The following ANKS1B variants were observed in gnomAD, a reference collection of about 807,000 sequenced individuals.
ANKS1B encodes the protein ankyrin repeat and sterile alpha motif domain containing 1B.
Under a neutral mutation model 148.3 loss-of-function variants are expected in ANKS1B, and 36 were observed. The observed-to-expected ratio is 0.24, with a 90% CI of 0.19 to 0.32. ANKS1B has a LOEUF of 0.32. Among genes scored for constraint, ANKS1B ranks in the 10% least tolerant of loss-of-function variants. ANKS1B has a pLI of 1.00. For synonymous variants in ANKS1B, 542 were observed against 560.8 expected (o/e 0.97, Z 0.47); for missense variants, 1,157 against 1,542.6 (o/e 0.75, Z 4.19).
chr12:99,554,374 T>C (rs1403012223), intron 9 of ANKS1B, among the ~76,000 whole-genome samples: 1 of 152,162 alleles, frequency 6.6e-6, no homozygotes, highest in African/African-American at 2.4e-5. Flanking sequence ...GCTGAAACAG[T>C]CTTTCTCTCC....
intron 19 of ANKS1B, among the ~76,000 whole-genome samples, chr12:98,812,535 A>C (rs2099105513): frequency 6.6e-6 from 1 of 152,228 alleles, no homozygotes. Flanking sequence ...TCAGAATTTA[A>C]AAGAGTTTAA....
chr12:99,505,718 C>T (rs2153010236), intron 9 of ANKS1B, among the ~76,000 whole-genome samples: 1 of 150,918 alleles, frequency 6.6e-6, no homozygotes, highest in Non-Finnish European at 1.5e-5. Flanking sequence ...TGAAGAAGTT[C>T]ACAGTCTGCT....
intron 10 of ANKS1B, among the ~76,000 whole-genome samples, chr12:99,466,792 A>G (rs1291595641): frequency 2.0e-5 from 3 of 152,082 alleles, no homozygotes; most frequent in Admixed American, 2.0e-4. Context: ...TTGTGGCAAT[A>G]ATCAATAGCT....
At chr12:98,812,240 A>G (rs1014130538) in intron 19 of ANKS1B, among the ~76,000 whole-genome samples, 1 of 152,218 alleles carries the variant, frequency 6.6e-6, no homozygotes, top group Non-Finnish European at 1.5e-5. Flanking sequence ...GGTTGGAAGA[A>G]GTAAAGCTAG....
At chr12:98,785,350 A>G (rs1329088902) in intron 22 of ANKS1B, among the ~76,000 whole-genome samples, 1 of 152,176 alleles carries the variant, frequency 6.6e-6, no homozygotes, top group Non-Finnish European at 1.5e-5. Context: ...GGTGGCTGTA[A>G]TCCCAGCTAT....
intron 1 of ANKS1B, among the ~76,000 whole-genome samples, chr12:99,894,521 A>AAAC (rs1555231546): frequency 1.7e-4 from 25 of 145,440 alleles, no homozygotes; most frequent in African/African-American, 5.8e-4. Context: ...AAAAAAAAAA[A>AAAC]AAAAAAAAAC....
chr12:99,892,779 TGC>T (rs1303365259), intron 1 of ANKS1B, among the ~76,000 whole-genome samples: 1 of 152,194 alleles, frequency 6.6e-6, no homozygotes, highest in Non-Finnish European at 1.5e-5. Context: ...AGAGGTTCTC[TGC>T]GATGAAGAAT....
At chr12:99,977,641 C>T (rs1173512967) in intron 1 of ANKS1B, among the ~76,000 whole-genome samples, 4 of 152,158 alleles carry the variant, frequency 2.6e-5, no homozygotes, top group African/African-American at 9.7e-5. Context: ...ATCCTACTGA[C>T]ACCAAAGAAG....
chr12:98,801,275 A>G lies in ANKS1B; in HGVS notation c.3142-150T>C, dbSNP rs1248320603. 1.5e-6 allele frequency: 1 copy of G among 666,272 alleles called. No homozygotes were observed. The highest frequency in any genetic ancestry group is 2.4e-6 in the Non-Finnish European group (1 of 419,936). The allele number at this position is 666,272 out of a possible 1,614,324, so 41.3% of individuals were successfully genotyped here. ...GTGAATATAAATACTTGGTTATTACATTTTTATATGTATTAGCATATCTCT... is the reference window on the plus strand; with the variant it reads ...GTGAATATAAATACTTGGTTATTACGTTTTTATATGTATTAGCATATCTCT... On this transcript the variant is annotated intron_variant, in intron 20 of 26. Transcript: ENST00000683438. This position sits in a 1 kb window ranked among gnomAD's most constrained non-coding sequence, Gnocchi z 5.2.
chr12:99,514,965 TTAG>T (rs1237190112), intron 9 of ANKS1B, among the ~76,000 whole-genome samples: 1 of 151,958 alleles, frequency 6.6e-6, no homozygotes, highest in Non-Finnish European at 1.5e-5. Context: ...TCAAAATAGA[TTAG>T]TAGTTTTTGC....
At chr12:99,781,821 T>G (rs942595428) in intron 5 of ANKS1B, among the ~76,000 whole-genome samples, 29 of 152,318 alleles carry the variant, frequency 1.9e-4, no homozygotes, top group African/African-American at 7.0e-4. Context: ...AAACATCTAT[T>G]GCATAAAAGA....
intron 2 of ANKS1B, among the ~76,000 whole-genome samples, chr12:99,818,964 A>G (rs1405138042): frequency 1.3e-5 from 2 of 151,848 alleles, no homozygotes; most frequent in African/African-American, 4.8e-5. Context: ...TTGCCTCAAC[A>G]GCAAGATTCC....
At chr12:99,556,839 T>C (rs1404721909) in intron 9 of ANKS1B, among the ~76,000 whole-genome samples, 2 of 152,200 alleles carry the variant, frequency 1.3e-5, no homozygotes, top group Admixed American at 6.5e-5. Context: ...TTCTTGAATT[T>C]GTTGAGAATT....
intron 15 of ANKS1B, among the ~76,000 whole-genome samples, chr12:99,114,834 C>T (rs58156141): frequency 6.6e-6 from 1 of 151,970 alleles, no homozygotes; most frequent in African/African-American, 2.4e-5. Flanking sequence ...CGATACTTTT[C>T]TAAAGAAGAC....
chr12:99,177,624 A>C (rs765804796), intron 14 of ANKS1B, among the ~76,000 whole-genome samples: 22 of 152,252 alleles, frequency 1.4e-4, no homozygotes, highest in Admixed American at 8.5e-4. Flanking sequence ...CTGCATTAGC[A>C]CATCCCAGCA....
chr12:99,496,608 G>A (rs2096606893), intron 10 of ANKS1B, among the ~76,000 whole-genome samples: 1 of 152,170 alleles, frequency 6.6e-6, no homozygotes, highest in Non-Finnish European at 1.5e-5. Context: ...TGAGGCATTA[G>A]TAAAATGCTC....
chr12:99,256,199 G>A (rs1227216341), intron 12 of ANKS1B, among the ~76,000 whole-genome samples: 1 of 149,544 alleles, frequency 6.7e-6, no homozygotes, highest in Non-Finnish European at 1.5e-5. Context: ...GCAGTGTGCC[G>A]AGTTCGTGTC....
chr12:99,790,404 A>G (rs748303682), intron 4 of ANKS1B, among the ~76,000 whole-genome samples: 32 of 152,164 alleles, frequency 2.1e-4, no homozygotes, highest in Non-Finnish European at 4.0e-4. Context: ...GAAATTAATA[A>G]GCAATAAGAA....
intron 10 of ANKS1B, among the ~76,000 whole-genome samples, chr12:99,492,829 G>C (rs1274166532): frequency 6.6e-6 from 1 of 152,046 alleles, no homozygotes; most frequent in East Asian, 1.9e-4. Flanking sequence ...TGCAGAAAAG[G>C]CTTTCAATAA....
Sources: allele counts gnomAD v4.1 joint callset (sites outside exome capture counted in the v4.1 genomes callset), GRCh38; gene constraint gnomAD v4.1.1; non-coding constraint Gnocchi (gnomAD v3.1); transcripts MANE v1.5; gene names NCBI Gene and HGNC (gene_info 2026-07-23, HGNC 2026-07-21).